Variants in NALF1 observed in about 807,000 individuals in gnomAD.
NALF1 encodes the protein family with sequence similarity 155 member A.
NALF1 carries 3 observed loss-of-function variants against 48.4 expected under a neutral mutation model. The ratio of observed to expected loss-of-function variants is 0.06; its 90% CI spans 0.03 to 0.16. The LOEUF (loss-of-function observed/expected upper bound fraction) is 0.16, where lower values mean the gene tolerates loss of function less well. Among genes scored for constraint, NALF1 ranks in the 10% least tolerant of loss-of-function variants. NALF1 has a pLI of 1.00. For missense variants in NALF1, 526 were observed against 571.5 expected (o/e 0.92, Z 0.81); for synonymous variants, 262 against 245.7 (o/e 1.07, Z -0.62).
chr13:107,242,226 C>G (rs1039424625), intron 1 of NALF1, among the ~76,000 whole-genome samples: 1 of 152,178 alleles, frequency 6.6e-6, no homozygotes, highest in Non-Finnish European at 1.5e-5. Flanking sequence ...GTTCTAAGCA[C>G]AGAGTTGGCC....
At chr13:107,653,754 CTT>C (rs1358435137) in intron 1 of NALF1, among the ~76,000 whole-genome samples, 1 of 151,914 alleles carries the variant, frequency 6.6e-6, no homozygotes. Flanking sequence ...GTCAAAATTA[CTT>C]GACTCTCATA....
chr13:107,302,496 C>A (rs763194982), intron 1 of NALF1, among the ~76,000 whole-genome samples: 1 of 151,766 alleles, frequency 6.6e-6, no homozygotes, highest in Non-Finnish European at 1.5e-5. Flanking sequence ...AGCTGTGATG[C>A]AGTGGTGGAT....
intron 2 of NALF1, among the ~76,000 whole-genome samples, chr13:107,209,281 T>C (rs1287425032): frequency 6.6e-6 from 1 of 151,550 alleles, no homozygotes; most frequent in Non-Finnish European, 1.5e-5. Context: ...CCAAGGAGGG[T>C]GGATCACTTG....
chr13:107,382,144 A>G (rs905905444), intron 1 of NALF1, among the ~76,000 whole-genome samples: 7 of 151,890 alleles, frequency 4.6e-5, no homozygotes, highest in Non-Finnish European at 8.8e-5. Flanking sequence ...TATTCTTTCT[A>G]TTTTCTTCAA....
intron 1 of NALF1, among the ~76,000 whole-genome samples, chr13:107,741,042 G>A (rs994704998): frequency 1.2e-4 from 18 of 152,082 alleles, no homozygotes; most frequent in Non-Finnish European, 2.1e-4. Context: ...CTACATACCA[G>A]GAATCACATT....
intron 1 of NALF1, among the ~76,000 whole-genome samples, chr13:107,329,838 C>A (rs1281597897): frequency 6.6e-6 from 1 of 152,138 alleles, no homozygotes; most frequent in African/African-American, 2.4e-5. Flanking sequence ...ATGAACTCAT[C>A]ATTTTTTATG....
rs1473295436 is a variant in NALF1, at chr13:107,362,893, G to A, written c.916-152138C>T. 6.6e-6 allele frequency among the ~76,000 whole-genome samples: 1 copy of A among 152,068 alleles called. No individual in the cohort carries two copies. The highest frequency in any genetic ancestry group is 1.5e-5 in the Non-Finnish European group (1 of 68,020). ...ATTGGGTTATCTATACATACCTTTAGGCTCATGATAAAGGTAGAAACTATC... is the reference window on the plus strand; with the variant it reads ...ATTGGGTTATCTATACATACCTTTAAGCTCATGATAAAGGTAGAAACTATC... On this transcript the variant is annotated intron_variant, in intron 1 of 2. Coordinates refer to ENST00000375915, the MANE Select transcript of NALF1 (RefSeq NM_001080396.3). The surrounding 1 kb of genome is among the most constrained non-coding windows in gnomAD (Gnocchi z 4.6).
At chr13:107,681,026 T>G (rs2138495822) in intron 1 of NALF1, among the ~76,000 whole-genome samples, 1 of 152,144 alleles carries the variant, frequency 6.6e-6, no homozygotes, top group Admixed American at 6.5e-5. Context: ...AGTGCACATT[T>G]CACATTCTGC....
At chr13:107,500,216 C>G (rs1455955221) in intron 1 of NALF1, among the ~76,000 whole-genome samples, 1 of 152,058 alleles carries the variant, frequency 6.6e-6, no homozygotes, top group African/African-American at 2.4e-5. Flanking sequence ...CATTTTATAC[C>G]TTAGTCCATT....
At chr13:107,762,240 A>G (rs1485488146) in intron 1 of NALF1, among the ~76,000 whole-genome samples, 2 of 62 alleles carry the variant, frequency 0.032, no homozygotes, top group South Asian at 0.5. Context: ...TTCTATCAGA[A>G]AAAAAAAAAA....
At chr13:107,452,468 A>G (rs1370295390) in intron 1 of NALF1, among the ~76,000 whole-genome samples, 1 of 152,182 alleles carries the variant, frequency 6.6e-6, no homozygotes, top group East Asian at 1.9e-4. Context: ...TTATAAAACC[A>G]TCAGATCTCA....
At chr13:107,374,006 T>A (rs565864333) in intron 1 of NALF1, among the ~76,000 whole-genome samples, 1 of 152,232 alleles carries the variant, frequency 6.6e-6, no homozygotes, top group Non-Finnish European at 1.5e-5. Flanking sequence ...ATAAAAACAT[T>A]TGGGACGTTT....
chr13:107,809,090 A>G (rs1276547904), intron 1 of NALF1, among the ~76,000 whole-genome samples: 1 of 152,068 alleles, frequency 6.6e-6, no homozygotes, highest in Non-Finnish European at 1.5e-5. Context: ...GACTCAGGGA[A>G]GCAGATTCAA....
chr13:107,840,094 G>A (rs912717249), intron 1 of NALF1, among the ~76,000 whole-genome samples: 1 of 152,156 alleles, frequency 6.6e-6, no homozygotes, highest in South Asian at 2.1e-4. Context: ...ATGCCACTGC[G>A]ATATGTATTT....
chr13:107,176,782 T>C (rs970511158), intron 2 of NALF1, among the ~76,000 whole-genome samples: 2 of 152,120 alleles, frequency 1.3e-5, no homozygotes, highest in Non-Finnish European at 2.9e-5. Context: ...ATCAGGGGAA[T>C]TCCTACCTAG....
chr13:107,556,515 G>C (rs1461172769), intron 1 of NALF1, among the ~76,000 whole-genome samples: 2 of 151,812 alleles, frequency 1.3e-5, no homozygotes, highest in Non-Finnish European at 2.9e-5. Context: ...TTTTGGGATG[G>C]AGTTTCACTC....
intron 1 of NALF1, among the ~76,000 whole-genome samples, chr13:107,725,222 C>T (rs4617706): frequency 0.83 from 126,591 of 152,126 alleles, 53,403 homozygotes; most frequent in Non-Finnish European, 0.91. Context: ...TTTCTCTCTT[C>T]AGAGAAATTT....
rs545549556 is a variant in NALF1 at position 107,169,815 on chromosome 13, C to G, written c.*682G>C. The G allele has an allele frequency of 6.6e-6, 1 of 152,630 alleles. No homozygotes were observed. Among genetic ancestry groups the G allele is most frequent in the Admixed American group, 6.6e-5 (1 of 15,266 alleles). 9.5% of individuals were successfully genotyped at this position (152,630 alleles called of 1,614,324 possible). On this transcript the variant is annotated 3_prime_UTR_variant, in exon 3 of 3. Coordinates refer to ENST00000375915, the MANE Select transcript of NALF1 (RefSeq NM_001080396.3). The stretch of plus-strand genomic sequence containing the variant: ...CTCAGAGGCCCACCAAGCGTGCACA[C>G]CCATTCACTGTGGTTACACAGACAG...
chr13:107,820,901 C>A (rs1879342874), intron 1 of NALF1, among the ~76,000 whole-genome samples: 1 of 152,126 alleles, frequency 6.6e-6, no homozygotes, highest in South Asian at 2.1e-4. Context: ...CAGGTATTGG[C>A]AAACATCATC....
Sources: allele counts gnomAD v4.1 joint callset (sites outside exome capture counted in the v4.1 genomes callset), GRCh38; gene constraint gnomAD v4.1.1; non-coding constraint Gnocchi (gnomAD v3.1); transcripts MANE v1.5; gene names NCBI Gene and HGNC (gene_info 2026-07-23, HGNC 2026-07-21).